Variants in RCAN2 observed in about 807,000 individuals in gnomAD.
RCAN2 encodes calcipressin-2.
RCAN2 carries 9 observed loss-of-function variants against 23.6 expected under a neutral mutation model. The ratio of observed to expected loss-of-function variants is 0.38; its 90% CI spans 0.23 to 0.67. RCAN2 has a LOEUF of 0.67. Among genes scored for constraint, RCAN2 ranks in the 30% least tolerant of loss-of-function variants. The pLI, the probability that RCAN2 is intolerant of heterozygous loss-of-function variation, is 0.51. For synonymous variants in RCAN2, 109 were observed against 115.7 expected, an observed-to-expected ratio of 0.94 and a Z score of 0.37; for missense variants, 273 against 302.3, an observed-to-expected ratio of 0.90 and a Z score of 0.72.
At chr6:46,486,939 T>C (rs1352810990) in intron 1 of RCAN2, among the ~76,000 whole-genome samples, 1 of 152,204 alleles carries the variant, frequency 6.6e-6, no homozygotes, top group Non-Finnish European at 1.5e-5. Context: ...GCTGCTTCCA[T>C]CTTTAAAAAT....
chr6:46,396,169 A>AT (rs1442088714), intron 2 of RCAN2, among the ~76,000 whole-genome samples: 2 of 152,040 alleles, frequency 1.3e-5, no homozygotes, highest in Non-Finnish European at 2.9e-5. Flanking sequence ...CTGCATTCTT[A>AT]TTTTTTTGGT....
intron 2 of RCAN2, among the ~76,000 whole-genome samples, chr6:46,437,892 C>A (rs753253630): frequency 7.9e-5 from 12 of 152,200 alleles, no homozygotes; most frequent in Non-Finnish European, 1.6e-4. Context: ...CCTCTCTCCT[C>A]ACAGGTTGCA....
At chr6:46,230,183 C>A (rs1343131497) in intron 4 of RCAN2, among the ~76,000 whole-genome samples, 1 of 152,176 alleles carries the variant, frequency 6.6e-6, no homozygotes, top group African/African-American at 2.4e-5. Context: ...TGTCAGTTGG[C>A]CCCTACTTGG....
At chr6:46,290,050 G>A (rs980304963) in intron 2 of RCAN2, among the ~76,000 whole-genome samples, 2 of 152,112 alleles carry the variant, frequency 1.3e-5, no homozygotes, top group African/African-American at 4.8e-5. Flanking sequence ...GAGCATGGCA[G>A]GGCTTGCTTC....
intron 2 of RCAN2, among the ~76,000 whole-genome samples, chr6:46,426,762 T>G (rs2150414882): frequency 6.6e-6 from 1 of 152,326 alleles, no homozygotes; most frequent in African/African-American, 2.4e-5. Flanking sequence ...AAAACTGTGC[T>G]GTGAAAAGCC....
intron 1 of RCAN2, among the ~76,000 whole-genome samples, chr6:46,463,228 C>T (rs1341189787): frequency 2.0e-5 from 3 of 152,038 alleles, no homozygotes; most frequent in African/African-American, 4.8e-5. Context: ...GAGACAGATG[C>T]ATGATAAGAA....
At position 46,291,770 on chromosome 6, in the gene RCAN2, C is replaced by G. The variant is rs185898930; in HGVS notation, c.226-42874G>C. 3.4e-3 allele frequency among the ~76,000 whole-genome samples: 518 copies of G among 152,100 alleles called. 3 individuals are homozygous for G. Among genetic ancestry groups the G allele is most frequent in the Admixed American group, 6.2e-3 (94 of 15,256 alleles). ...CTCATCAATGTTTTCTAAGGATACA[C>G]CTGCCCCTGAAATGCAGTTTTTGTG... On this transcript the variant is annotated intron_variant, in intron 2 of 4. Coordinates refer to ENST00000371374, the MANE Select transcript of RCAN2 (RefSeq NM_001251974.2).
intron 2 of RCAN2, among the ~76,000 whole-genome samples, chr6:46,452,515 A>C (rs544414967): frequency 6.6e-6 from 1 of 152,356 alleles, no homozygotes; most frequent in Non-Finnish European, 1.5e-5. Flanking sequence ...TTTCCCTAAC[A>C]GAACAAAAGG....
intron 2 of RCAN2, among the ~76,000 whole-genome samples, chr6:46,326,967 G>A (rs1251169605): frequency 1.3e-5 from 2 of 152,168 alleles, no homozygotes; most frequent in Non-Finnish European, 2.9e-5. Context: ...GTGTGTCTTT[G>A]TGCATTTGTT....
intron 2 of RCAN2, among the ~76,000 whole-genome samples, chr6:46,329,915 G>C (rs1230211396): frequency 6.6e-6 from 1 of 152,170 alleles, no homozygotes; most frequent in Admixed American, 6.5e-5. Context: ...TCAGCAGGAG[G>C]AGATGCACAC....
intron 2 of RCAN2, among the ~76,000 whole-genome samples, chr6:46,348,205 G>A (rs1305964126): frequency 6.6e-6 from 1 of 152,054 alleles, no homozygotes; most frequent in African/African-American, 2.4e-5. Flanking sequence ...GATTCAATAG[G>A]CAATGAGAGG....
intron 2 of RCAN2, among the ~76,000 whole-genome samples, chr6:46,335,598 G>T (rs1271259638): frequency 6.6e-6 from 1 of 152,166 alleles, no homozygotes; most frequent in South Asian, 2.1e-4. Flanking sequence ...GAGGGGGCAG[G>T]CATCATCCTA....
intron 2 of RCAN2, among the ~76,000 whole-genome samples, chr6:46,372,183 G>C (rs1236866225): frequency 6.6e-6 from 1 of 152,144 alleles, no homozygotes; most frequent in Non-Finnish European, 1.5e-5. Context: ...AAGACAAAAG[G>C]CTGATGACTA....
intron 2 of RCAN2, among the ~76,000 whole-genome samples, chr6:46,258,523 G>C (rs191523401): frequency 6.3e-4 from 96 of 152,300 alleles, no homozygotes; most frequent in African/African-American, 2.2e-3. Context: ...GCTGGTAAAG[G>C]TATAGAAGCC....
chr6:46,244,804 T>G (rs1766454103), intron 4 of RCAN2, among the ~76,000 whole-genome samples: 1 of 152,224 alleles, frequency 6.6e-6, no homozygotes, highest in African/African-American at 2.4e-5. Context: ...CCTTAGTGAT[T>G]CTATAAAGAG....
chr6:46,484,333 C>A (rs552085065), intron 1 of RCAN2, among the ~76,000 whole-genome samples: 2 of 152,172 alleles, frequency 1.3e-5, no homozygotes, highest in East Asian at 1.9e-4. Context: ...AAGATTCCAA[C>A]GGTTATCTTA....
At chr6:46,363,005 TC>T (rs1409054677) in intron 2 of RCAN2, among the ~76,000 whole-genome samples, 2 of 152,152 alleles carry the variant, frequency 1.3e-5, no homozygotes, top group Non-Finnish European at 2.9e-5. Flanking sequence ...GAAGTTGGAC[TC>T]CTACTTAGTG....
chr6:46,305,231 A>G (rs1235487367), intron 2 of RCAN2, among the ~76,000 whole-genome samples: 1 of 152,114 alleles, frequency 6.6e-6, no homozygotes, highest in Admixed American at 6.6e-5. Context: ...CAATCTGTGG[A>G]GAGAAACTTT....
rs561445458 is a variant in RCAN2, at chr6:46,342,920, C to T, written c.226-94024G>A. On this transcript the variant is annotated intron_variant, in intron 2 of 4. Coordinates refer to ENST00000371374, the MANE Select transcript of RCAN2 (RefSeq NM_001251974.2). ...AATAGGGAAAAAGAGATCTGTGGGA[C>T]AATATAAAGTATTCTAAATATGTAT... Among the ~76,000 whole-genome samples, 9 of 151,936 alleles carry T rather than the reference C, an allele frequency of 5.9e-5. No individual in the cohort carries two copies. The South Asian group carries it at 1.9e-3, about 32-fold the overall frequency.
Sources: gnomAD v4.1 joint callset for allele counts (sites outside exome capture counted in the v4.1 genomes callset) on GRCh38, gnomAD v4.1.1 for gene constraint, MANE v1.5 for transcripts, NCBI Gene and HGNC (gene_info 2026-07-23, HGNC 2026-07-21) for gene names.